Variants in ADAM12 observed in about 807,000 individuals in gnomAD.
ADAM12 encodes ADAM metallopeptidase domain 12.
A neutral mutation model predicts 106.4 loss-of-function variants in ADAM12; 70 were observed. The ratio of observed to expected loss-of-function variants is 0.66; its 90% confidence interval spans 0.54 to 0.80. The LOEUF is 0.80. ADAM12 is among the 30% of genes least tolerant of loss of function. The pLI is 0.00. For missense variants in ADAM12, 1,010 were observed against 1,171.9 expected (o/e 0.86, Z 2.02); for synonymous variants, 420 against 433.5 (o/e 0.97, Z 0.39).
intron 2 of ADAM12, among the ~76,000 whole-genome samples, chr10:126,282,716 G>A (rs1227371847): frequency 6.6e-6 from 1 of 152,066 alleles, no homozygotes; most frequent in Non-Finnish European, 1.5e-5. Context: ...TCTCCTACAG[G>A]TGGACTTTGG....
intron 3 of ADAM12, among the ~76,000 whole-genome samples, chr10:126,161,225 T>C (rs956065063): frequency 6.6e-6 from 1 of 152,236 alleles, no homozygotes; most frequent in Non-Finnish European, 1.5e-5. Flanking sequence ...TAAGCATTAA[T>C]AGCTGCTAAA....
At chr10:126,229,360 C>G (rs1289527408) in intron 3 of ADAM12, among the ~76,000 whole-genome samples, 1 of 152,176 alleles carries the variant, frequency 6.6e-6, no homozygotes, top group East Asian at 1.9e-4. Context: ...CTGGGTTTGT[C>G]TGGGCATGGC....
rs182556994 is a variant in ADAM12 at position 126,227,409 on chromosome 10, C to T, written c.260+51506G>A. Reference sequence around the variant, plus strand: ...CATTTTCTCTTCATCATCAACTTCACGCACATTGTGAGGCACTTAGTATTT... The same window carrying T: ...CATTTTCTCTTCATCATCAACTTCATGCACATTGTGAGGCACTTAGTATTT... On this transcript the variant is annotated intron_variant, in intron 3 of 22. Coordinates refer to ENST00000448723, the MANE Select transcript of ADAM12 (RefSeq NM_001288973.2). 3.3e-5 allele frequency among the ~76,000 whole-genome samples: 5 copies of T among 152,308 alleles called. No homozygotes were observed. The East Asian group carries it at 5.8e-4, about 18-fold the overall frequency.
chr10:126,385,072 G>A (rs1344510728), intron 1 of ADAM12, among the ~76,000 whole-genome samples: 1 of 152,170 alleles, frequency 6.6e-6, no homozygotes, highest in Non-Finnish European at 1.5e-5. Context: ...ATATTTACCA[G>A]TTTATTATAT....
At chr10:126,316,895 G>T (rs1564728960) in intron 2 of ADAM12, among the ~76,000 whole-genome samples, 1 of 151,820 alleles carries the variant, frequency 6.6e-6, no homozygotes. Flanking sequence ...CATTTTAAGA[G>T]GTATACAGCA....
chr10:126,332,712 G>A (rs570036737), intron 1 of ADAM12, among the ~76,000 whole-genome samples: 1 of 152,274 alleles, frequency 6.6e-6, no homozygotes, highest in Non-Finnish European at 1.5e-5. Flanking sequence ...GGGAGCGCAA[G>A]ACTTTCCTTT....
chr10:126,231,571 T>G (rs1958312660), intron 3 of ADAM12, among the ~76,000 whole-genome samples: 1 of 152,180 alleles, frequency 6.6e-6, no homozygotes, highest in Non-Finnish European at 1.5e-5. Context: ...CTCCTTGCCC[T>G]GGCGCAGGAC....
intron 3 of ADAM12, among the ~76,000 whole-genome samples, chr10:126,191,747 G>A (rs147208470): frequency 2.6e-5 from 4 of 152,262 alleles, no homozygotes; most frequent in South Asian, 2.1e-4. Flanking sequence ...CAGCAAGCTC[G>A]AATTTAAATC....
intron 9 of ADAM12, 63 bp from the exon 10 acceptor site, chr10:126,098,563 A>T: frequency 1.4e-6 from 2 of 1,403,712 alleles, no homozygotes; most frequent in Non-Finnish European, 2.0e-6. Context: ...TCTAATATTT[A>T]AAAATTCTGT....
At chr10:126,306,006 T>A (rs1286065041) in intron 2 of ADAM12, among the ~76,000 whole-genome samples, 1 of 152,012 alleles carries the variant, frequency 6.6e-6, no homozygotes, top group East Asian at 1.9e-4. Context: ...TTAAAGTGTA[T>A]CTCTTGTAAA....
At chr10:126,343,737 G>T (rs1855025448) in intron 1 of ADAM12, among the ~76,000 whole-genome samples, 1 of 152,112 alleles carries the variant, frequency 6.6e-6, no homozygotes, top group African/African-American at 2.4e-5. Context: ...GGTGTGAAAT[G>T]GTATCTCATT....
chr10:126,338,495 G>A lies in ADAM12; in HGVS notation c.89-7986C>T, dbSNP rs1328248260. ...TCTCGATCTCCTGACCTCGTGATCC[G>A]CCCGCCTCGGCCTCCCAAAGTGCTG... On this transcript the variant is annotated intron_variant, in intron 1 of 22. Coordinates refer to ENST00000448723, the MANE Select transcript of ADAM12 (RefSeq NM_001288973.2). Among the ~76,000 whole-genome samples, 4 of 151,742 alleles carry A rather than the reference G, an allele frequency of 2.6e-5. No homozygotes were observed. The East Asian group carries it at 7.7e-4, about 29-fold the overall frequency.
At chr10:126,098,057 G>A (rs1955590324) in intron 10 of ADAM12, among the ~76,000 whole-genome samples, 1 of 152,198 alleles carries the variant, frequency 6.6e-6, no homozygotes. Flanking sequence ...CGTCTGGTGA[G>A]ACCACAGGGC....
chr10:126,166,966 GGT>G (rs1328539169), intron 3 of ADAM12, among the ~76,000 whole-genome samples: 1 of 152,116 alleles, frequency 6.6e-6, no homozygotes, highest in Non-Finnish European at 1.5e-5. Flanking sequence ...GAATCGCAAG[GGT>G]AGATTTAGTA....
chr10:126,035,752 T>C (rs917794100), intron 21 of ADAM12, among the ~76,000 whole-genome samples: 12 of 152,190 alleles, frequency 7.9e-5, no homozygotes, highest in Non-Finnish European at 1.8e-4. Flanking sequence ...TAAATAATTT[T>C]GAAATAAAAT....
chr10:126,356,334 T>C (rs1395952739), intron 1 of ADAM12, among the ~76,000 whole-genome samples: 1 of 152,166 alleles, frequency 6.6e-6, no homozygotes, highest in Admixed American at 6.5e-5. Context: ...GTTCAGCTAG[T>C]GCTCTCACCT....
intron 2 of ADAM12, among the ~76,000 whole-genome samples, chr10:126,304,496 C>T (rs1220368520): frequency 6.6e-6 from 1 of 151,996 alleles, no homozygotes. Context: ...AAAAGGAAGA[C>T]TTAACTACAC....
At chr10:126,091,575 C>A (rs1365192777) in intron 11 of ADAM12, among the ~76,000 whole-genome samples, 2 of 151,040 alleles carry the variant, frequency 1.3e-5, no homozygotes, top group African/African-American at 2.4e-5. Flanking sequence ...TGGTATAAAT[C>A]AAATAAAGGC....
intron 14 of ADAM12, among the ~76,000 whole-genome samples, chr10:126,059,543 G>A (rs543388751): frequency 6.6e-6 from 1 of 152,192 alleles, no homozygotes; most frequent in East Asian, 1.9e-4. Context: ...TCCCATCTGT[G>A]GCCACAGGAG....
Sources: gnomAD v4.1 joint callset for allele counts (sites outside exome capture counted in the v4.1 genomes callset) on GRCh38, gnomAD v4.1.1 for gene constraint, MANE v1.5 for transcripts, NCBI Gene and HGNC (gene_info 2026-07-23, HGNC 2026-07-21) for gene names.